Variants in ZNF107 observed in about 807,000 individuals in gnomAD.
ZNF107 encodes the protein C2H2 type zinc-finger protein.
ZNF107 carries 19 observed loss-of-function variants against 12.3 expected under a neutral mutation model. The observed-to-expected ratio is 1.55, with a 90% CI of 1.08 to 2.27. The LOEUF is 2.27. Among genes scored for constraint, ZNF107 ranks in the 30% most tolerant of loss-of-function variants. The probability of loss-of-function intolerance (pLI) is 0.00; values close to 1 mark genes in which losing one functional copy is unlikely to be tolerated. For missense variants in ZNF107, 958 were observed against 979.9 expected (o/e 0.98, Z 0.30); for synonymous variants, 317 against 330.5 (o/e 0.96, Z 0.44).
At chr7:64,692,978 GTTTTA>G (rs1335261997) in intron 3 of ZNF107, among the ~76,000 whole-genome samples, 1 of 151,650 alleles carries the variant, frequency 6.6e-6, no homozygotes, top group Admixed American at 6.6e-5. Context: ...TTTCAGTGTT[GTTTTA>G]TTTTATTTTA....
At chr7:64,668,433 G>T (rs546637743) in intron 1 of ZNF107, among the ~76,000 whole-genome samples, 4 of 150,298 alleles carry the variant, frequency 2.7e-5, no homozygotes, top group Admixed American at 2.7e-4. Context: ...TGCTGAGAAC[G>T]ATGGTTTCCA....
intron 3 of ZNF107, among the ~76,000 whole-genome samples, chr7:64,692,454 GTTC>G (rs1790148179): frequency 1.3e-5 from 2 of 151,990 alleles, no homozygotes; most frequent in Non-Finnish European, 2.9e-5. Context: ...AAACTATGAT[GTTC>G]TTCTGCTTTG....
chr7:64,687,868 CTTTTA>C (rs1271299472), intron 1 of ZNF107, among the ~76,000 whole-genome samples: 1 of 152,046 alleles, frequency 6.6e-6, no homozygotes, highest in Non-Finnish European at 1.5e-5. Flanking sequence ...GAAAATTTTT[CTTTTA>C]TTTATATTTT....
At chr7:64,676,065 T>A (rs1789405582) in intron 1 of ZNF107, among the ~76,000 whole-genome samples, 1 of 152,224 alleles carries the variant, frequency 6.6e-6, no homozygotes, top group South Asian at 2.1e-4. Flanking sequence ...TTGGTCAGGC[T>A]GGTCTCAAAC....
chr7:64,686,832 CT>C, intron 1 of ZNF107: 2 of 949,172 alleles, frequency 2.1e-6, no homozygotes, highest in Non-Finnish European at 1.3e-6. Context: ...GGCTGACTCC[CT>C]TTTCCGATTC....
At chr7:64,683,054 T>C (rs1285175603) in intron 1 of ZNF107, among the ~76,000 whole-genome samples, 1 of 152,230 alleles carries the variant, frequency 6.6e-6, no homozygotes, top group Non-Finnish European at 1.5e-5. Flanking sequence ...CAGGTTATGC[T>C]ATTTGTTGTG....
intron 1 of ZNF107, among the ~76,000 whole-genome samples, chr7:64,674,986 GTGC>G (rs145486030): frequency 0.053 from 8,004 of 152,232 alleles, 285 homozygotes; most frequent in East Asian, 0.15. Flanking sequence ...CTTTTATGAT[GTGC>G]TGCTGGATTC....
chr7:64,706,736 C>A lies in ZNF107; in HGVS notation c.639C>A (p.Phe213Leu). Residue 213 changes from phenylalanine to leucine, a missense_variant, in exon 4 of 4, where the codon TTC becomes TTA. By Grantham distance (22) the Phe-to-Leu change is conservative. Coordinates refer to ENST00000620827, the MANE Select transcript of ZNF107 (RefSeq NM_001282359.2). The part of the protein sequence containing the change: ...CEECGKAFNW[F>L]STLTKHKRIH... ...AATGTGGAAAAGCCTTTAACTGGTT[C>A]TCAACTCTTACTAAACATAAGAGAA... 6.2e-7 allele frequency: 1 copy of A among 1,612,672 alleles called. No homozygotes were observed. Among genetic ancestry groups the A allele is most frequent in the Non-Finnish European group, 8.5e-7 (1 of 1,179,520 alleles).
rs576877089 is a variant in ZNF107, at chr7:64,708,513, A to G, written c.2416A>G (p.Ile806Val). The change falls in exon 4 of 4, where the codon ATA becomes GTA. Residue 806 changes from isoleucine (I) to valine (V), a missense_variant. Coordinates refer to ENST00000620827, the MANE Select transcript of ZNF107 (RefSeq NM_001282359.2). Reference sequence around the variant, plus strand: ...CTTTAACCAGTTCTCATCTCTTAATATACATAAGATAATTCATACTGGAGA... The same window carrying G: ...CTTTAACCAGTTCTCATCTCTTAATGTACATAAGATAATTCATACTGGAGA... Reference protein sequence around the residue: ...KSFNQFSSLNIHKIIHTGEKP... With the variant: ...KSFNQFSSLNVHKIIHTGEKP... 1.2e-6 allele frequency: 2 copies of G among 1,613,098 alleles called. No homozygotes were observed. Among genetic ancestry groups the G allele is most frequent in the East Asian group, 2.2e-5 (1 of 44,820 alleles).
Position 64,710,813 on chromosome 7 carries a change from A to C in ZNF107, c.*2157A>C, listed in dbSNP as rs1790863084. ...TTTCTATGAAAGAATAAGGACATTA[A>C]AATGTAAGATGCATGATGAAAACCT... On this transcript the variant is annotated 3_prime_UTR_variant, in exon 4 of 4. Coordinates refer to ENST00000620827, the MANE Select transcript of ZNF107 (RefSeq NM_001282359.2). 6.6e-6 allele frequency: 1 copy of C among 152,148 alleles called. No homozygotes were observed. The highest frequency in any genetic ancestry group is 6.6e-5 in the Admixed American group (1 of 15,266). 9.4% of individuals were successfully genotyped at this position (152,148 alleles called of 1,614,324 possible).
intron 1 of ZNF107, chr7:64,684,839 C>A: frequency 1.8e-6 from 1 of 563,994 alleles, no homozygotes; most frequent in Non-Finnish European, 2.2e-6. Context: ...CCTGGCATGG[C>A]CGCACTCCCA....
At chr7:64,671,349 C>T (rs990967488) in intron 1 of ZNF107, among the ~76,000 whole-genome samples, 1 of 152,186 alleles carries the variant, frequency 6.6e-6, no homozygotes, top group Non-Finnish European at 1.5e-5. Context: ...GACTAGGCAC[C>T]GCCCTTAGGA....
In ZNF107 at chr7:64,708,994, A is replaced by T; in HGVS notation, c.*338A>T. The T allele has an allele frequency of 2.2e-6, 1 of 450,390 alleles. No homozygotes were observed. The highest frequency in any genetic ancestry group is 4.2e-6 in the Non-Finnish European group (1 of 235,830). 27.9% of individuals were successfully genotyped at this position (450,390 alleles called of 1,614,324 possible). A position where few individuals can be genotyped will look rare whatever the true frequency, so the allele number is the denominator to read the frequency against. On this transcript the variant is annotated 3_prime_UTR_variant, in exon 4 of 4. Transcript: ENST00000620827. ...GAAGAATGTGGCAATGCCTTTAATC[A>T]GTCCTCACACCTTTCTACACATAAG...
At chr7:64,687,459 G>A (rs1340402111) in intron 1 of ZNF107, 1 of 985,330 alleles carries the variant, frequency 1.0e-6, no homozygotes, top group African/African-American at 1.7e-5. Context: ...TTATATATAG[G>A]GTGCCAGGTG....
Position 64,708,427 on chromosome 7 carries a change from C to A in ZNF107, c.2330C>A (p.Thr777Asn), listed in dbSNP as rs1790767993. 1.2e-6 allele frequency: 2 copies of A among 1,603,984 alleles called. No homozygotes were observed. Among genetic ancestry groups the A allele is most frequent in the African/African-American group, 1.3e-5 (1 of 74,682 alleles). ...GCTTTTAACCAATCCTCAAACCTTA[C>A]TACACATAAGAAAATTCATACTTCA... ...GKAFNQSSNL[T>N]THKKIHTSEK... is the part of the protein sequence containing the mutation. The change falls in exon 4 of 4, where the codon ACT becomes AAT. Residue 777 changes from threonine (T) to asparagine (N), a missense_variant. Thr to Asn is a moderately conservative substitution (Grantham distance 65). Transcript: ENST00000620827.
intron 2 of ZNF107, 56 bp downstream of exon 2, chr7:64,691,430 A>G: frequency 7.6e-6 from 10 of 1,316,688 alleles, no homozygotes; most frequent in Non-Finnish European, 9.8e-6. Context: ...TTATTTCTCT[A>G]TTTCTGTAGA....
In ZNF107 at chr7:64,707,397, T is replaced by C; in HGVS notation, c.1300T>C (p.Phe434Leu). The change falls in exon 4 of 4, where the codon TTT becomes CTT. Residue 434 changes from phenylalanine to leucine, a missense_variant. Physicochemically the swap from Phe to Leu is conservative, Grantham distance 22 (BLOSUM62 0). Transcript: ENST00000620827. Reference sequence around the variant, plus strand: ...CAAATGTAAAGAATGTGGCAAAGCTTTTAACCAATCTTCAAACCTTACTGA... The same window carrying C: ...CAAATGTAAAGAATGTGGCAAAGCTCTTAACCAATCTTCAAACCTTACTGA... The part of the protein sequence containing the change: ...PYKCKECGKA[F>L]NQSSNLTEHK... 1.9e-6 allele frequency: 3 copies of C among 1,613,408 alleles called. No homozygotes were observed. The highest frequency in any genetic ancestry group is 2.5e-6 in the Non-Finnish European group (3 of 1,179,720).
intron 1 of ZNF107, chr7:64,684,774 G>A (rs1584474492): frequency 1.2e-5 from 12 of 963,884 alleles, no homozygotes; most frequent in Admixed American, 6.2e-5. Flanking sequence ...CAGATGAGAC[G>A]CCTCTGTTTA....
Position 64,706,973 on chromosome 7 carries a change from A to C in ZNF107, c.876A>C (p.Lys292Asn), listed in dbSNP as rs1790674172. ...EKPYKYEECG[K>N]VFSQSSHLTT... ...CTTACAAATATGAAGAATGTGGCAA[A>C]GTCTTTAGCCAGTCCTCACACCTTA... is the stretch of plus-strand genomic sequence containing the variant. The change falls in exon 4 of 4, where the codon AAA becomes AAC. Residue 292 changes from lysine to asparagine, a missense_variant. Physicochemically the swap from Lys to Asn is moderately conservative, Grantham distance 94. Coordinates refer to ENST00000620827, the MANE Select transcript of ZNF107 (RefSeq NM_001282359.2). The C allele has an allele frequency of 1.2e-6, 2 of 1,613,608 alleles. No individual in the cohort carries two copies. Among genetic ancestry groups the C allele is most frequent in the East Asian group, 4.5e-5 (2 of 44,850 alleles).
Sources: gnomAD v4.1 joint callset for allele counts (sites outside exome capture counted in the v4.1 genomes callset) on GRCh38, gnomAD v4.1.1 for gene constraint, MANE v1.5 for transcripts, NCBI Gene and HGNC (gene_info 2026-07-23, HGNC 2026-07-21) for gene names.